Variants in TMTC2 observed in about 807,000 individuals in gnomAD.
The protein encoded by TMTC2 is transmembrane O-mannosyltransferase targeting cadherins 2.
In TMTC2, 43 loss-of-function variants were observed where a neutral mutation model predicts 82.4. The ratio of observed to expected loss-of-function variants is 0.52; its 90% CI spans 0.41 to 0.67. TMTC2 has a LOEUF of 0.67. TMTC2 is among the 30% of genes least tolerant of loss of function. The pLI is 0.00. For missense variants in TMTC2, 919 were observed against 1,012.4 expected (o/e 0.91, Z 1.25); for synonymous variants, 408 against 381.9 (o/e 1.07, Z -0.80).
At chr12:83,112,105 A>T (rs566852747) in intron 11 of TMTC2, among the ~76,000 whole-genome samples, 15 of 152,012 alleles carry the variant, frequency 9.9e-5, no homozygotes, top group Non-Finnish European at 2.1e-4. Context: ...GACCCTGTCT[A>T]AAAAAAAGAC....
chr12:83,014,289 A>C (rs1458128531), intron 8 of TMTC2, among the ~76,000 whole-genome samples: 3 of 152,232 alleles, frequency 2.0e-5, no homozygotes, highest in Admixed American at 6.5e-5. Context: ...CAGCCTCCTG[A>C]GTAGCTGGGA....
At chr12:82,874,021 A>G (rs1407959552) in intron 2 of TMTC2, among the ~76,000 whole-genome samples, 14 of 152,220 alleles carry the variant, frequency 9.2e-5, no homozygotes, top group Admixed American at 8.5e-4. Context: ...AAAATTTAAT[A>G]TGCTATTAAG....
At chr12:82,794,142 C>T (rs773387660) in intron 1 of TMTC2, among the ~76,000 whole-genome samples, 6 of 152,116 alleles carry the variant, frequency 3.9e-5, no homozygotes, top group Non-Finnish European at 5.9e-5. Context: ...GACTTGGTCC[C>T]GGGACAGCCT....
chr12:82,911,476 G>A (rs970988395), intron 3 of TMTC2, among the ~76,000 whole-genome samples: 1 of 152,010 alleles, frequency 6.6e-6, no homozygotes, highest in Non-Finnish European at 1.5e-5. Context: ...TATCATCCAA[G>A]GGGATCTAGG....
intron 10 of TMTC2, among the ~76,000 whole-genome samples, chr12:83,058,857 T>A (rs1200254429): frequency 2.6e-5 from 4 of 151,812 alleles, no homozygotes; most frequent in African/African-American, 4.8e-5. Flanking sequence ...TTCCACTATA[T>A]CTAATTGTGA....
chr12:82,738,376 TTTC>T (rs1875224463), intron 1 of TMTC2, among the ~76,000 whole-genome samples: 1 of 152,206 alleles, frequency 6.6e-6, no homozygotes, highest in African/African-American at 2.4e-5. Context: ...TATTAGGACA[TTTC>T]TTATTATTTT....
At chr12:82,867,237 G>C (rs956934016) in intron 2 of TMTC2, among the ~76,000 whole-genome samples, 2 of 152,098 alleles carry the variant, frequency 1.3e-5, no homozygotes, top group Non-Finnish European at 2.9e-5. Flanking sequence ...CAGTAATTAT[G>C]GTCTTGATTA....
At chr12:82,878,495 A>C (rs900761333) in intron 2 of TMTC2, among the ~76,000 whole-genome samples, 3 of 152,222 alleles carry the variant, frequency 2.0e-5, no homozygotes, top group African/African-American at 7.2e-5. Context: ...AAGAACATTT[A>C]AAATTGTGAC....
At chr12:83,064,010 G>A (rs1882831184) in intron 11 of TMTC2, among the ~76,000 whole-genome samples, 1 of 151,388 alleles carries the variant, frequency 6.6e-6, no homozygotes, top group Non-Finnish European at 1.5e-5. Flanking sequence ...TTCATTAAAG[G>A]CAGAGATCAG....
chr12:82,989,458 A>G (rs1452332833), intron 8 of TMTC2, among the ~76,000 whole-genome samples: 2 of 152,068 alleles, frequency 1.3e-5, no homozygotes, highest in East Asian at 3.9e-4. Context: ...GATTCACACA[A>G]CTCCACATAA....
Position 83,123,050 on chromosome 12 carries a change from C to CA in TMTC2, c.2332-9159dup, listed in dbSNP as rs375256670. On this transcript the variant is annotated intron_variant, in intron 11 of 11. Coordinates refer to ENST00000321196, the MANE Select transcript of TMTC2 (RefSeq NM_152588.3). ...ACCTTTGAAATTGCTCTGTTACAAT[C>CA]ACTGTTTGCTCTTCCCCCAAACCAA... 2.3e-3 allele frequency among the ~76,000 whole-genome samples: 352 copies of CA among 152,308 alleles called. 2 individuals are homozygous for CA. The highest frequency in any genetic ancestry group is 8.3e-3 in the African/African-American group (343 of 41,562).
At chr12:82,984,437 G>A (rs12322610) in intron 7 of TMTC2, among the ~76,000 whole-genome samples, 244 of 152,128 alleles carry the variant, frequency 1.6e-3, no homozygotes, top group African/African-American at 5.4e-3. Context: ...AAACATATTC[G>A]TATTTACAAT....
chr12:82,877,867 C>T (rs910684254), intron 2 of TMTC2, among the ~76,000 whole-genome samples: 2 of 152,018 alleles, frequency 1.3e-5, no homozygotes, highest in African/African-American at 2.4e-5. Flanking sequence ...GTTAAAGAAA[C>T]GAGGGACACC....
intron 1 of TMTC2, among the ~76,000 whole-genome samples, chr12:82,748,294 G>C (rs960325496): frequency 6.6e-6 from 1 of 152,068 alleles, no homozygotes; most frequent in African/African-American, 2.4e-5. Flanking sequence ...GTGGGCGACA[G>C]AGTGTGACTG....
chr12:83,083,353 A>G (rs1235799982), intron 11 of TMTC2, among the ~76,000 whole-genome samples: 2 of 152,288 alleles, frequency 1.3e-5, no homozygotes, highest in East Asian at 1.9e-4. Context: ...TCCAAGAAAC[A>G]ATGTGGCTTG....
chr12:83,106,603 G>A (rs919620912), intron 11 of TMTC2, among the ~76,000 whole-genome samples: 2 of 151,440 alleles, frequency 1.3e-5, no homozygotes, highest in Non-Finnish European at 2.9e-5. Context: ...ATTACTGTTT[G>A]TCAACTGCAA....
intron 1 of TMTC2, among the ~76,000 whole-genome samples, chr12:82,717,483 G>A (rs1187070261): frequency 4.6e-5 from 7 of 151,844 alleles, no homozygotes; most frequent in Non-Finnish European, 8.8e-5. Flanking sequence ...CACCTGCCTC[G>A]GCCTCCCAAA....
intron 3 of TMTC2, among the ~76,000 whole-genome samples, chr12:82,907,538 A>C (rs1165587246): frequency 6.6e-6 from 1 of 152,046 alleles, no homozygotes; most frequent in Non-Finnish European, 1.5e-5. Context: ...AATGATTTCA[A>C]GTACAGTTTT....
intron 11 of TMTC2, among the ~76,000 whole-genome samples, chr12:83,063,997 A>G (rs746140881): frequency 1.5e-4 from 23 of 151,646 alleles, no homozygotes; most frequent in Non-Finnish European, 3.4e-4. Flanking sequence ...TTATTATTAC[A>G]ACTTCATTAA....
Sources: gnomAD v4.1 joint callset for allele counts (sites outside exome capture counted in the v4.1 genomes callset) on GRCh38, gnomAD v4.1.1 for gene constraint, MANE v1.5 for transcripts, NCBI Gene and HGNC (gene_info 2026-07-23, HGNC 2026-07-21) for gene names.